BRD10: variants seen among roughly 807,000 people sequenced by gnomAD.
BRD10 encodes bromodomain containing 10, also known as uncharacterized bromodomain-containing protein 10.
chr9:5,922,131 T>C, the BRD10 span: 2 of 1,613,988 alleles, frequency 1.2e-6, no homozygotes, highest in African/African-American at 1.3e-5. Context: ...ACAACTCCAG[T>C]GTTCCCACCT....
the BRD10 span, chr9:5,922,534 G>C: frequency 1.2e-6 from 2 of 1,613,828 alleles, no homozygotes; most frequent in South Asian, 1.1e-5. Flanking sequence ...CTGGTGAGTT[G>C]ACAAAAACTG....
chr9:5,971,403 C>T, the BRD10 span, among the ~76,000 whole-genome samples: 15 of 152,102 alleles, frequency 9.9e-5, no homozygotes, highest in Non-Finnish European at 1.8e-4. Context: ...CTTGTCCACA[C>T]GACAGCTTGT....
chr9:6,006,578 A>T, the BRD10 span, among the ~76,000 whole-genome samples: 4 of 152,188 alleles, frequency 2.6e-5, no homozygotes, highest in Non-Finnish European at 5.9e-5. Flanking sequence ...AATAAACATA[A>T]ATGTATAAAC....
chr9:5,899,871 T>A, the BRD10 span, among the ~76,000 whole-genome samples: 2 of 152,198 alleles, frequency 1.3e-5, no homozygotes, highest in African/African-American at 4.8e-5. Context: ...TTGTCTGCCA[T>A]TGAGTTGCTT....
At chr9:5,953,969 C>T in the BRD10 span, 1 of 1,145,386 alleles carries the variant, frequency 8.7e-7, no homozygotes, top group Non-Finnish European at 1.3e-6. Flanking sequence ...GATATGAACA[C>T]TGAAACAAAA....
chr9:5,924,406 T>G, the BRD10 span, among the ~76,000 whole-genome samples: 11 of 152,250 alleles, frequency 7.2e-5, no homozygotes, highest in South Asian at 1.0e-3. Flanking sequence ...ACCTCTTGAA[T>G]AGCTGGGACT....
chr9:5,908,686 C>A, the BRD10 span: 2 of 1,614,056 alleles, frequency 1.2e-6, no homozygotes, highest in Non-Finnish European at 1.7e-6. Context: ...GCAGAACAGT[C>A]ACCACCACCT....
At chr9:5,994,029 A>G in the BRD10 span, among the ~76,000 whole-genome samples, 6 of 152,240 alleles carry the variant, frequency 3.9e-5, no homozygotes, top group Admixed American at 1.3e-4. Context: ...TCTGTGCTAC[A>G]ACAGCCATTA....
At chr9:5,908,979 G>C in the BRD10 span, 1 of 402,518 alleles carries the variant, frequency 2.5e-6, no homozygotes, top group South Asian at 3.6e-5. Flanking sequence ...TAAATCCATG[G>C]TGTTATTTTC....
the BRD10 span, among the ~76,000 whole-genome samples, chr9:5,926,742 A>G: frequency 6.6e-6 from 1 of 152,142 alleles, no homozygotes; most frequent in African/African-American, 2.4e-5. Flanking sequence ...CATGTTAGCC[A>G]GGATGGTCTT....
the BRD10 span, among the ~76,000 whole-genome samples, chr9:5,961,463 G>C: frequency 6.6e-6 from 1 of 151,814 alleles, no homozygotes; most frequent in Non-Finnish European, 1.5e-5. Context: ...AATTTTTTTT[G>C]CTCTGAGTTT....
chr9:5,996,144 AAAC>A, the BRD10 span, among the ~76,000 whole-genome samples: 36 of 152,326 alleles, frequency 2.4e-4, no homozygotes, highest in South Asian at 2.7e-3. Context: ...TAAAGCCATT[AAAC>A]AACAACAGTA....
chr9:5,918,587 T>C, the BRD10 span, among the ~76,000 whole-genome samples: 2 of 151,148 alleles, frequency 1.3e-5, no homozygotes, highest in African/African-American at 2.4e-5. Flanking sequence ...CCCATGCCCG[T>C]AGTCCCAGCT....
chr9:5,914,665 T>C, the BRD10 span, among the ~76,000 whole-genome samples: 1 of 152,002 alleles, frequency 6.6e-6, no homozygotes, highest in African/African-American at 2.4e-5. Flanking sequence ...CCTCGTGATC[T>C]GCCCGCCTCG....
the BRD10 span, among the ~76,000 whole-genome samples, chr9:5,894,844 C>G: frequency 3.9e-5 from 6 of 152,164 alleles, no homozygotes; most frequent in Non-Finnish European, 8.8e-5. This position sits in a 1 kb window ranked among gnomAD's most constrained non-coding sequence, Gnocchi z 4.0. Context: ...CCCAGCATCA[C>G]AGAGCAGAGC....
chr9:5,919,557 C>CACACACACACACACAA, the BRD10 span: 1 of 692,788 alleles, frequency 1.4e-6, no homozygotes, highest in Non-Finnish European at 2.4e-6. Flanking sequence ...CACACACACA[C>CACACACACACACACAA]ACACACACAC....
At chr9:5,946,701 A>C in the BRD10 span, among the ~76,000 whole-genome samples, 1 of 152,106 alleles carries the variant, frequency 6.6e-6, no homozygotes, top group East Asian at 1.9e-4. Context: ...TCTTATTTGC[A>C]CATATGGCAA....
chr9:5,951,364 T>C, the BRD10 span, among the ~76,000 whole-genome samples: 1 of 152,140 alleles, frequency 6.6e-6, no homozygotes, highest in Admixed American at 6.5e-5. Flanking sequence ...CCCTTTCATT[T>C]ATCTCTATCT....
the BRD10 span, chr9:5,919,730 G>A: frequency 1.2e-6 from 2 of 1,612,862 alleles, no homozygotes; most frequent in East Asian, 2.2e-5. Context: ...CGACTGAAAA[G>A]CAGGGAAGAC....
Sources: gnomAD v4.1 joint callset for allele counts (sites outside exome capture counted in the v4.1 genomes callset) on GRCh38, gnomAD v4.1.1 for gene constraint, Gnocchi (gnomAD v3.1) non-coding constraint, MANE v1.5 for transcripts, NCBI Gene and HGNC (gene_info 2026-07-23, HGNC 2026-07-21) for gene names.